ADGRL2: variants seen among roughly 807,000 people sequenced by gnomAD.
ADGRL2 encodes adhesion G protein-coupled receptor L2.
In ADGRL2, 44 loss-of-function variants were observed where a neutral mutation model predicts 157.4. That is an observed-to-expected ratio of 0.28 (90% CI 0.22 to 0.36). ADGRL2 has a LOEUF of 0.36. Ranked by LOEUF, ADGRL2 falls within the 10% of genes least tolerant of loss-of-function variation. The pLI, the probability that ADGRL2 is intolerant of heterozygous loss-of-function variation, is 1.00. For synonymous variants in ADGRL2, 585 were observed against 624.7 expected (o/e 0.94, Z 0.95); for missense variants, 1,510 against 1,768.9 (o/e 0.85, Z 2.63).
rs1458768728 is a variant in ADGRL2, at chr1:81,618,796, T to C, written c.-143+37816T>C. On this transcript the variant is annotated intron_variant, in intron 3 of 24. Coordinates refer to the ADGRL2 transcript ENST00000370721. ...TTAACTGAATAAAAATACTTTTAAT[T>C]ATCTCAGTTAACTCTGTTTATTATG... Among the ~76,000 whole-genome samples the C allele has an allele frequency of 2.0e-5, 3 of 152,206 alleles. No homozygotes were observed. In the South Asian group the frequency reaches 6.2e-4, roughly 31 times the overall value.
At chr1:81,870,855 T>C (rs1294730775) in intron 2 of ADGRL2, among the ~76,000 whole-genome samples, 1 of 152,064 alleles carries the variant, frequency 6.6e-6, no homozygotes, top group African/African-American at 2.4e-5. Context: ...TGTATAAAAC[T>C]ACTTTTTGAA....
intron 2 of ADGRL2, among the ~76,000 whole-genome samples, chr1:81,546,357 A>G (rs1483112488): frequency 2.0e-5 from 3 of 152,304 alleles, no homozygotes; most frequent in East Asian, 3.9e-4. Context: ...GCATTGGCTC[A>G]ATACTTGAGG....
At chr1:81,968,458 A>G (rs1401414929) in intron 14 of ADGRL2, among the ~76,000 whole-genome samples, 1 of 152,220 alleles carries the variant, frequency 6.6e-6, no homozygotes. Context: ...AGACAACAGA[A>G]GATTTAAATA....
chr1:81,716,109 C>G (rs2084108239), intron 1 of ADGRL2, among the ~76,000 whole-genome samples: 2 of 152,164 alleles, frequency 1.3e-5, no homozygotes. Context: ...ATACTAATGA[C>G]CTTCACTTGG....
rs924900792 is a variant in ADGRL2, at chr1:81,479,560, G to A, written c.-248+34471G>A. ...TCAGATACCCACATTTTGGAGATAAGGAATGAAAAACTGAAATTAAAATTA... is the reference window on the plus strand; with the variant it reads ...TCAGATACCCACATTTTGGAGATAAAGAATGAAAAACTGAAATTAAAATTA... On this transcript the variant is annotated intron_variant, in intron 2 of 24. Coordinates refer to the ADGRL2 transcript ENST00000370721. Among the ~76,000 whole-genome samples, 105 of 152,014 alleles carry A rather than the reference G, an allele frequency of 6.9e-4. 1 individual carries two copies. Among genetic ancestry groups the A allele is most frequent in the African/African-American group, 2.5e-3 (102 of 41,372 alleles).
intron 1 of ADGRL2, among the ~76,000 whole-genome samples, chr1:81,342,651 A>T (rs990469602): frequency 6.6e-6 from 1 of 152,226 alleles, no homozygotes; most frequent in African/African-American, 2.4e-5. Context: ...TCAATTTTCC[A>T]TTAAGTAACT....
At chr1:81,925,815 TTTG>T (rs1489720348) in intron 3 of ADGRL2, among the ~76,000 whole-genome samples, 1 of 151,970 alleles carries the variant, frequency 6.6e-6, no homozygotes, top group Non-Finnish European at 1.5e-5. Flanking sequence ...TAGAAAATCG[TTTG>T]TTGTATATTC....
intron 1 of ADGRL2, among the ~76,000 whole-genome samples, chr1:81,423,474 A>C (rs1469365544): frequency 1.3e-5 from 2 of 152,198 alleles, no homozygotes; most frequent in African/African-American, 4.8e-5. Context: ...TCACTGGTTA[A>C]GTGAGGCCCT....
At chr1:81,628,024 T>A (rs1434816572) in intron 3 of ADGRL2, among the ~76,000 whole-genome samples, 2 of 152,130 alleles carry the variant, frequency 1.3e-5, no homozygotes, top group Non-Finnish European at 2.9e-5. Context: ...AATCACAGCA[T>A]TTTTTGGAGC....
chr1:81,956,625 T>G (rs1475013866), intron 11 of ADGRL2, among the ~76,000 whole-genome samples: 1 of 152,142 alleles, frequency 6.6e-6, no homozygotes, highest in Non-Finnish European at 1.5e-5. Flanking sequence ...ATGCTACCAC[T>G]GAGAGGTAGG....
chr1:81,679,901 G>C (rs1344179746), intron 3 of ADGRL2, among the ~76,000 whole-genome samples: 5 of 152,094 alleles, frequency 3.3e-5, no homozygotes, highest in African/African-American at 7.2e-5. Flanking sequence ...AATGGTTCTT[G>C]GGACCCTCAA....
At chr1:81,465,530 A>AT (rs2078034588) in intron 2 of ADGRL2, among the ~76,000 whole-genome samples, 1 of 152,184 alleles carries the variant, frequency 6.6e-6, no homozygotes, top group Non-Finnish European at 1.5e-5. Context: ...AGTGTTAAGA[A>AT]TATCATTCTT....
rs116804880 is a variant in ADGRL2, at chr1:81,484,536, C to G, written c.-248+39447C>G. 2.3e-3 allele frequency among the ~76,000 whole-genome samples: 344 copies of G among 152,268 alleles called. 1 individual carries two copies. The highest frequency in any genetic ancestry group is 8.1e-3 in the African/African-American group (335 of 41,536). The stretch of plus-strand genomic sequence containing the variant: ...ATTTCTCTTTACTGCTGAGTAAAAC[C>G]AGTAGCAGAAAGGGCCACTTTTAGT... On this transcript the variant is annotated intron_variant, in intron 2 of 24. Coordinates refer to the ADGRL2 transcript ENST00000370721.
chr1:81,893,553 A>G lies in ADGRL2; in HGVS notation c.74-13464A>G, dbSNP rs555332789. ...GTAATTTGTCAGAATCTGTGTATCC[A>G]GAAGTTGGAACTGCTCTGTTTCCTC... On this transcript the variant is annotated intron_variant, in intron 2 of 23. Coordinates refer to ENST00000686636, the MANE Select transcript of ADGRL2 (RefSeq NM_001366006.2). Among the ~76,000 whole-genome samples, 56 of 152,260 alleles carry G rather than the reference A, an allele frequency of 3.7e-4. No individual in the cohort carries two copies. In the South Asian group the frequency reaches 0.012, roughly 32 times the overall value.
intron 1 of ADGRL2, among the ~76,000 whole-genome samples, chr1:81,359,603 AAT>A (rs1483961140): frequency 6.6e-6 from 1 of 152,052 alleles, no homozygotes; most frequent in Non-Finnish European, 1.5e-5. Flanking sequence ...ACATGATTAC[AAT>A]ATGATTAAGT....
At chr1:81,522,470 T>C (rs770552512) in intron 2 of ADGRL2, among the ~76,000 whole-genome samples, 22 of 152,196 alleles carry the variant, frequency 1.4e-4, no homozygotes, top group African/African-American at 2.2e-4. Context: ...AGAGCTCTTC[T>C]TCTCCATTTG....
At chr1:81,983,025 T>C (rs1466346192) in intron 19 of ADGRL2, among the ~76,000 whole-genome samples, 1 of 151,988 alleles carries the variant, frequency 6.6e-6, no homozygotes, top group Non-Finnish European at 1.5e-5. Flanking sequence ...GTAATTACTT[T>C]GGCTTTTATA....
chr1:81,679,407 G>GAAAAA (rs56271921), intron 3 of ADGRL2, among the ~76,000 whole-genome samples: 1 of 146,598 alleles, frequency 6.8e-6, no homozygotes, highest in Non-Finnish European at 1.5e-5. Flanking sequence ...ATGGTAGTAA[G>GAAAAA]AAAAAAAAAA....
intron 2 of ADGRL2, among the ~76,000 whole-genome samples, chr1:81,793,057 C>A (rs1157995563): frequency 2.0e-5 from 3 of 151,980 alleles, no homozygotes; most frequent in Admixed American, 2.0e-4. Context: ...ATTTATATAA[C>A]AAGACCTTAC....
Sources: gnomAD v4.1 joint callset for allele counts (sites outside exome capture counted in the v4.1 genomes callset) on GRCh38, gnomAD v4.1.1 for gene constraint, MANE v1.5 for transcripts, NCBI Gene and HGNC (gene_info 2026-07-23, HGNC 2026-07-21) for gene names.